Variants in MCPH1 observed in about 807,000 individuals in gnomAD.
MCPH1 encodes microcephalin.
A neutral mutation model predicts 84.5 loss-of-function variants in MCPH1; 104 were observed. That is an observed-to-expected ratio of 1.23 (90% CI 1.05 to 1.45). MCPH1 has a LOEUF of 1.45. MCPH1 is among the 40% of genes most tolerant of loss of function. The probability of loss-of-function intolerance (pLI) is 0.00; values close to 1 mark genes in which losing one functional copy is unlikely to be tolerated. For missense variants in MCPH1, 1,498 were observed against 1,005.7 expected (o/e 1.49, Z -6.62); for synonymous variants, 514 against 366.8 (o/e 1.40, Z -4.58).
intron 11 of MCPH1, among the ~76,000 whole-genome samples, chr8:6,482,435 G>T (rs1042330638): frequency 2.6e-5 from 4 of 152,228 alleles, no homozygotes; most frequent in African/African-American, 9.7e-5. Context: ...GTGGACTACT[G>T]TCTCTTTAAT....
At chr8:6,627,781 C>CA (rs764768013) in intron 13 of MCPH1, among the ~76,000 whole-genome samples, 5 of 152,230 alleles carry the variant, frequency 3.3e-5, no homozygotes, top group Admixed American at 1.3e-4. Flanking sequence ...GTTCCAGCTA[C>CA]ATGAGAGGCT....
At chr8:6,514,358 A>G (rs1344102848) in intron 12 of MCPH1, among the ~76,000 whole-genome samples, 3 of 151,966 alleles carry the variant, frequency 2.0e-5, no homozygotes, top group Non-Finnish European at 2.9e-5. Flanking sequence ...CCTGGCTAAT[A>G]TTTGTATTTT....
At chr8:6,556,155 T>A (rs753170789) in intron 12 of MCPH1, among the ~76,000 whole-genome samples, 2 of 152,174 alleles carry the variant, frequency 1.3e-5, no homozygotes, top group African/African-American at 2.4e-5. Context: ...CTTTTTTTTT[T>A]ATTTTTAATA....
At chr8:6,527,674 T>G in intron 12 of MCPH1, 1 of 1,603,166 alleles carries the variant, frequency 6.2e-7, no homozygotes, top group Non-Finnish European at 8.5e-7. Flanking sequence ...TCTGATTTAA[T>G]ACCTAAATGT....
intron 11 of MCPH1, among the ~76,000 whole-genome samples, chr8:6,484,121 T>C (rs1247888432): frequency 2.0e-5 from 3 of 152,168 alleles, no homozygotes; most frequent in East Asian, 1.9e-4. Flanking sequence ...AAAGATATTA[T>C]GAAGAGATCA....
intron 12 of MCPH1, among the ~76,000 whole-genome samples, chr8:6,538,546 G>A (rs1429770493): frequency 2.6e-5 from 4 of 152,114 alleles, no homozygotes; most frequent in South Asian, 4.1e-4. Context: ...ACCTGGGCGC[G>A]CACTGTCCTT....
chr8:6,492,579 TTTTCTATGCTATAGAAATAGCATA>T (rs1027231454), intron 11 of MCPH1, among the ~76,000 whole-genome samples: 4 of 151,100 alleles, frequency 2.6e-5, no homozygotes, highest in African/African-American at 9.7e-5. Context: ...ATTGCCAAGG[TTTTCTATGCTATAGAAATAGCATA>T]TTTCTATGCT....
intron 13 of MCPH1, among the ~76,000 whole-genome samples, chr8:6,632,712 G>C (rs369179575): frequency 5.1e-4 from 77 of 152,264 alleles, no homozygotes; most frequent in African/African-American, 1.8e-3. Context: ...GGGAGGCTGA[G>C]GCAGGAGAAT....
intron 6 of MCPH1, among the ~76,000 whole-genome samples, chr8:6,440,307 T>C (rs994797005): frequency 1.3e-5 from 2 of 152,204 alleles, no homozygotes; most frequent in Admixed American, 6.5e-5. Context: ...CCCCGACTTT[T>C]TACTGTTATA....
At chr8:6,625,404 C>T (rs1831964559) in intron 13 of MCPH1, 1 of 985,282 alleles carries the variant, frequency 1.0e-6, no homozygotes, top group Non-Finnish European at 1.2e-6. Flanking sequence ...ACTTTTTTTC[C>T]TCCCGTTCAT....
chr8:6,575,224 C>G lies in MCPH1; in HGVS notation c.2215-46230C>G, dbSNP rs140797378. 2.0e-4 allele frequency among the ~76,000 whole-genome samples: 31 copies of G among 152,308 alleles called. No homozygotes were observed. The East Asian group carries it at 5.2e-3, about 26-fold the overall frequency. ...TTTCCTGATTAATCTCAATGCCAGC[C>G]TCATTACACAATCTTAACTAATATT... On this transcript the variant is annotated intron_variant, in intron 12 of 13. Transcript: ENST00000344683.
intron 8 of MCPH1, chr8:6,446,543 A>C (rs545973018): frequency 1.0e-6 from 1 of 983,534 alleles, no homozygotes; most frequent in Admixed American, 6.1e-5. Flanking sequence ...TTCTGAACAT[A>C]TATTAAATTT....
chr8:6,541,824 C>T (rs894441923), intron 12 of MCPH1, among the ~76,000 whole-genome samples: 1 of 151,864 alleles, frequency 6.6e-6, no homozygotes, highest in African/African-American at 2.4e-5. Flanking sequence ...GGCAACATGG[C>T]GAGACTCCAT....
chr8:6,537,730 A>G (rs749157018), intron 12 of MCPH1, among the ~76,000 whole-genome samples: 3 of 152,072 alleles, frequency 2.0e-5, no homozygotes, highest in African/African-American at 4.8e-5. Context: ...CTTCCTTCTC[A>G]CCAAGATTGT....
intron 3 of MCPH1, among the ~76,000 whole-genome samples, chr8:6,415,521 T>C (rs148492826): frequency 2.8e-4 from 42 of 152,108 alleles, no homozygotes; most frequent in African/African-American, 1.0e-3. Flanking sequence ...GCCTGGCTAA[T>C]TTTTGCATTT....
intron 12 of MCPH1, among the ~76,000 whole-genome samples, chr8:6,566,710 G>C (rs1274063417): frequency 2.1e-5 from 3 of 146,270 alleles, no homozygotes; most frequent in Non-Finnish European, 4.5e-5. Flanking sequence ...TGCGGTGACC[G>C]TGTGTGATCG....
intron 12 of MCPH1, among the ~76,000 whole-genome samples, chr8:6,523,216 C>G (rs1817696317): frequency 1.3e-5 from 2 of 152,122 alleles, no homozygotes; most frequent in Non-Finnish European, 1.5e-5. Context: ...CCAGGGTGGT[C>G]TCGATCTCCT....
chr8:6,535,631 G>A (rs890097760), intron 12 of MCPH1, among the ~76,000 whole-genome samples: 1 of 152,160 alleles, frequency 6.6e-6, no homozygotes, highest in Non-Finnish European at 1.5e-5. Flanking sequence ...CTTGAAGCAT[G>A]TATCATTTAA....
At chr8:6,524,901 G>C (rs1041959313) in intron 12 of MCPH1, among the ~76,000 whole-genome samples, 1 of 152,230 alleles carries the variant, frequency 6.6e-6, no homozygotes, top group African/African-American at 2.4e-5. Context: ...AGTAGCCTTA[G>C]GCTGGGAATC....
Sources: gnomAD v4.1 joint callset for allele counts (sites outside exome capture counted in the v4.1 genomes callset) on GRCh38, gnomAD v4.1.1 for gene constraint, MANE v1.5 for transcripts, NCBI Gene and HGNC (gene_info 2026-07-23, HGNC 2026-07-21) for gene names.